The following SEMA5A variants were observed in gnomAD, a reference collection of about 807,000 sequenced individuals.
The protein encoded by SEMA5A is semaphorin 5A, also known as semaphorin-5A.
Under a neutral mutation model 135.5 loss-of-function variants are expected in SEMA5A, and 55 were observed. The observed-to-expected ratio is 0.41, with a 90% CI of 0.33 to 0.51. The LOEUF (loss-of-function observed/expected upper bound fraction) is 0.51, where lower values mean the gene tolerates loss of function less well. SEMA5A is among the 20% of genes least tolerant of loss of function. The pLI is 0.37. For missense variants in SEMA5A, 1,290 were observed against 1,419.9 expected (o/e 0.91, Z 1.47); for synonymous variants, 580 against 546.5 (o/e 1.06, Z -0.85).
chr5:9,061,904 G>A (rs2150064565), intron 18 of SEMA5A, among the ~76,000 whole-genome samples: 1 of 151,786 alleles, frequency 6.6e-6, no homozygotes, highest in East Asian at 2.0e-4. Context: ...GGGTCCAGGG[G>A]TTGCATGTTT....
chr5:9,329,944 G>A (rs1265174523), intron 4 of SEMA5A, among the ~76,000 whole-genome samples: 1 of 152,080 alleles, frequency 6.6e-6, no homozygotes, highest in Non-Finnish European at 1.5e-5. Context: ...TAGTCGTTAT[G>A]CCATATTGTT....
At chr5:9,335,170 G>C (rs1049435484) in intron 4 of SEMA5A, among the ~76,000 whole-genome samples, 10 of 152,106 alleles carry the variant, frequency 6.6e-5, no homozygotes, top group African/African-American at 2.4e-4. Context: ...AAGACACAGA[G>C]ATAGAGACTT....
At chr5:9,124,599 G>A (rs1181947580) in intron 13 of SEMA5A, among the ~76,000 whole-genome samples, 2 of 152,096 alleles carry the variant, frequency 1.3e-5, no homozygotes, top group Admixed American at 6.5e-5. Flanking sequence ...TGGGACTACA[G>A]GCACCTGTGA....
chr5:9,208,159 C>A (rs915292596), intron 8 of SEMA5A, among the ~76,000 whole-genome samples: 2 of 152,088 alleles, frequency 1.3e-5, no homozygotes, highest in African/African-American at 4.8e-5. Flanking sequence ...AAAATACAGA[C>A]CTCTATTTAT....
Position 9,204,893 on chromosome 5 carries a change from G to GC in SEMA5A, c.647-2654dup, listed in dbSNP as rs1428523202. ...GAGCAGGAACCCTACTGTGAACTGTGCATGTGAGGGATCTAAGTTGTACAC... is the reference window on the plus strand; with the variant it reads ...GAGCAGGAACCCTACTGTGAACTGTGCCATGTGAGGGATCTAAGTTGTACAC... On this transcript the variant is annotated intron_variant, in intron 8 of 22. Transcript: ENST00000382496. This position sits in a 1 kb window ranked among gnomAD's most constrained non-coding sequence, Gnocchi z 6.4. 1.3e-5 allele frequency among the ~76,000 whole-genome samples: 2 copies of GC among 152,148 alleles called. No homozygotes were observed. Among genetic ancestry groups the GC allele is most frequent in the Non-Finnish European group, 2.9e-5 (2 of 68,026 alleles).
chr5:9,450,927 G>A (rs1160060014), intron 1 of SEMA5A, among the ~76,000 whole-genome samples: 2 of 152,084 alleles, frequency 1.3e-5, no homozygotes, highest in African/African-American at 4.8e-5. Flanking sequence ...CTGCTTTTTA[G>A]GTCTGTGGAT....
chr5:9,282,375 G>A (rs1357824289), intron 5 of SEMA5A, among the ~76,000 whole-genome samples: 1 of 152,160 alleles, frequency 6.6e-6, no homozygotes, highest in Non-Finnish European at 1.5e-5. Context: ...ATGGGTATGG[G>A]CCACATATTT....
At chr5:9,179,712 T>C (rs1415671571) in intron 11 of SEMA5A, among the ~76,000 whole-genome samples, 3 of 152,214 alleles carry the variant, frequency 2.0e-5, no homozygotes, top group East Asian at 3.9e-4. Flanking sequence ...TTTTTTCATT[T>C]TAATCGGGCC....
intron 10 of SEMA5A, among the ~76,000 whole-genome samples, chr5:9,195,996 G>A (rs1745365785): frequency 6.6e-6 from 1 of 152,240 alleles, no homozygotes; most frequent in African/African-American, 2.4e-5. Flanking sequence ...ATCTGCCCCA[G>A]GCCCACTGTC....
rs3797992 is a variant in SEMA5A at position 9,357,416 on chromosome 5, G to A, written c.125-19604C>T. Among the ~76,000 whole-genome samples, 11 of 152,284 alleles carry A rather than the reference G, an allele frequency of 7.2e-5. No homozygotes were observed. In the East Asian group the frequency reaches 2.1e-3, roughly 29 times the overall value. ...GTATAATAATGCTGTCATTCTAGAAGGGCTATAATTAGCGAGAATTGTTTT... is the reference window on the plus strand; with the variant it reads ...GTATAATAATGCTGTCATTCTAGAAAGGCTATAATTAGCGAGAATTGTTTT... On this transcript the variant is annotated intron_variant, in intron 3 of 22. Coordinates refer to ENST00000382496, the MANE Select transcript of SEMA5A (RefSeq NM_003966.3).
intron 1 of SEMA5A, among the ~76,000 whole-genome samples, chr5:9,500,120 A>G (rs1387166412): frequency 6.6e-6 from 1 of 152,190 alleles, no homozygotes; most frequent in African/African-American, 2.4e-5. Context: ...AACTTTTTGG[A>G]GATAAGTTAT....
At chr5:9,358,043 G>A (rs1043582242) in intron 3 of SEMA5A, among the ~76,000 whole-genome samples, 2 of 152,096 alleles carry the variant, frequency 1.3e-5, no homozygotes, top group Non-Finnish European at 2.9e-5. Context: ...ATCTAGCACT[G>A]ATTCTCTCCC....
intron 1 of SEMA5A, among the ~76,000 whole-genome samples, chr5:9,525,081 A>C (rs1737054708): frequency 6.6e-6 from 1 of 152,240 alleles, no homozygotes; most frequent in Non-Finnish European, 1.5e-5. Context: ...TAGCTATTTC[A>C]TATGGTTTAG....
chr5:9,054,813 C>A (rs146636429), intron 18 of SEMA5A, among the ~76,000 whole-genome samples: 1 of 152,238 alleles, frequency 6.6e-6, no homozygotes, highest in African/African-American at 2.4e-5. Flanking sequence ...GAAGAATGCT[C>A]GGTAAATTCA....
intron 14 of SEMA5A, among the ~76,000 whole-genome samples, chr5:9,121,488 A>G (rs542122947): frequency 1.3e-5 from 2 of 152,366 alleles, no homozygotes; most frequent in East Asian, 1.9e-4. Context: ...AGATCGATAA[A>G]TAAGTTATAG....
chr5:9,258,881 C>T (rs1357054074), intron 5 of SEMA5A, among the ~76,000 whole-genome samples: 1 of 116,474 alleles, frequency 8.6e-6, no homozygotes, highest in Non-Finnish European at 1.6e-5. Flanking sequence ...ATGTCATGAT[C>T]TCTGCTCACT....
In SEMA5A at chr5:9,037,341, G is replaced by C. The variant is rs527555814; in HGVS notation, c.*5556C>G. ...TGATCCATCAAAAAGGCTGTGTTTT[G>C]AGACAGCTTTCACTAGGAAGTATAC... On this transcript the variant is annotated 3_prime_UTR_variant, in exon 23 of 23. Coordinates refer to ENST00000382496, the MANE Select transcript of SEMA5A (RefSeq NM_003966.3). The C allele has an allele frequency of 3.9e-5, 6 of 152,300 alleles. No homozygotes were observed. The highest frequency in any genetic ancestry group is 1.4e-4 in the African/African-American group (6 of 41,574). The allele number at this position is 152,300 out of a possible 1,614,324, so 9.4% of individuals were successfully genotyped here.
intron 3 of SEMA5A, among the ~76,000 whole-genome samples, chr5:9,379,336 GATTA>G (rs1561202125): frequency 6.6e-6 from 1 of 152,160 alleles, no homozygotes; most frequent in Non-Finnish European, 1.5e-5. Flanking sequence ...TGGATATACA[GATTA>G]ATTATTTAAT....
chr5:9,051,673 T>C (rs1736584283), intron 20 of SEMA5A, among the ~76,000 whole-genome samples, 200 bp downstream of exon 20: 1 of 152,196 alleles, frequency 6.6e-6, no homozygotes, highest in African/African-American at 2.4e-5. Context: ...TCCTAAGAAA[T>C]CTTAAATTCA....
Sources: gnomAD v4.1 joint callset for allele counts (sites outside exome capture counted in the v4.1 genomes callset) on GRCh38, gnomAD v4.1.1 for gene constraint, Gnocchi (gnomAD v3.1) non-coding constraint, MANE v1.5 for transcripts, NCBI Gene and HGNC (gene_info 2026-07-23, HGNC 2026-07-21) for gene names.